Variants in KCNH8 observed in about 807,000 individuals in gnomAD.
KCNH8 encodes voltage-gated delayed rectifier potassium channel KCNH8.
Under a neutral mutation model 103.6 loss-of-function variants are expected in KCNH8, and 70 were observed. The ratio of observed to expected loss-of-function variants is 0.68; its 90% CI spans 0.56 to 0.82. The LOEUF is 0.82. Among genes scored for constraint, KCNH8 ranks in the 40% least tolerant of loss-of-function variants. The pLI is 0.00. For missense variants in KCNH8, 1,217 were observed against 1,329.9 expected (o/e 0.92, Z 1.32); for synonymous variants, 498 against 489.4 (o/e 1.02, Z -0.23).
Position 19,257,540 on chromosome 3 carries a change from C to T in KCNH8, c.310+3653C>T, listed in dbSNP as rs974358687. On this transcript the variant is annotated intron_variant, in intron 2 of 15. Coordinates refer to ENST00000328405, the MANE Select transcript of KCNH8 (RefSeq NM_144633.3). ...GTGTCTTCTCTGATAGCATGAAAGA[C>T]CATCATGATTGGATGTACCAGCCTT... Among the ~76,000 whole-genome samples the T allele has an allele frequency of 6.6e-5, 10 of 152,036 alleles. No homozygotes were observed. The South Asian group carries it at 1.9e-3, about 28-fold the overall frequency.
intron 5 of KCNH8, among the ~76,000 whole-genome samples, chr3:19,386,640 T>C (rs1236832457): frequency 1.3e-5 from 2 of 152,118 alleles, no homozygotes; most frequent in Non-Finnish European, 2.9e-5. Flanking sequence ...AAATTGCTCA[T>C]TAATGATATT....
intron 2 of KCNH8, 49 bp from the exon 3 acceptor site, chr3:19,281,149 T>C (rs767842170): frequency 1.3e-6 from 2 of 1,585,158 alleles, no homozygotes; most frequent in Non-Finnish European, 1.7e-6. Context: ...TCCATAGAGA[T>C]AACACAAGGC....
intron 3 of KCNH8, among the ~76,000 whole-genome samples, chr3:19,324,946 G>T (rs1427920090): frequency 6.6e-6 from 1 of 152,092 alleles, no homozygotes; most frequent in African/African-American, 2.4e-5. Context: ...TGTACTATGG[G>T]GGTACAGTAA....
chr3:19,280,025 T>C (rs975321121), intron 2 of KCNH8, among the ~76,000 whole-genome samples: 7 of 152,122 alleles, frequency 4.6e-5, no homozygotes, highest in African/African-American at 1.7e-4. Flanking sequence ...TATGAATAGA[T>C]TAATAGTTTA....
intron 1 of KCNH8, among the ~76,000 whole-genome samples, chr3:19,170,605 TATATGTATACACACAC>T (rs1276612979): frequency 1.6e-4 from 23 of 144,308 alleles, no homozygotes; most frequent in African/African-American, 5.3e-4. Context: ...TATATATATA[TATATGTATACACACAC>T]ATATATATAT....
At chr3:19,443,933 C>T (rs1020722170) in intron 8 of KCNH8, among the ~76,000 whole-genome samples, 7 of 151,958 alleles carry the variant, frequency 4.6e-5, no homozygotes, top group Non-Finnish European at 8.8e-5. Context: ...AATGGACTCA[C>T]GTTGCAAAAA....
At chr3:19,285,536 T>C (rs2064818782) in intron 3 of KCNH8, among the ~76,000 whole-genome samples, 1 of 152,236 alleles carries the variant, frequency 6.6e-6, no homozygotes, top group Admixed American at 6.5e-5. Context: ...ATGTTTGTTA[T>C]ATTCTATAAG....
At chr3:19,531,590 G>A (rs1045091676) in intron 15 of KCNH8, among the ~76,000 whole-genome samples, 12 of 152,160 alleles carry the variant, frequency 7.9e-5, no homozygotes, top group East Asian at 1.9e-4. Context: ...TTCAAGGCAG[G>A]TGTTACCAGT....
At chr3:19,154,695 C>T (rs867969934) in intron 1 of KCNH8, among the ~76,000 whole-genome samples, 1 of 152,198 alleles carries the variant, frequency 6.6e-6, no homozygotes, top group Non-Finnish European at 1.5e-5. Flanking sequence ...ATTTATTTCT[C>T]ACCACACAGC....
intron 11 of KCNH8, among the ~76,000 whole-genome samples, chr3:19,471,380 A>G (rs1006361535): frequency 1.3e-5 from 2 of 152,158 alleles, no homozygotes; most frequent in Non-Finnish European, 2.9e-5. Context: ...GGGGATGTGG[A>G]GCAAGGGTCG....
intron 11 of KCNH8, among the ~76,000 whole-genome samples, chr3:19,462,534 G>T (rs938589540): frequency 6.6e-6 from 1 of 152,176 alleles, no homozygotes; most frequent in South Asian, 2.1e-4. Flanking sequence ...GTAGATTCCG[G>T]GTATTAGCCC....
At chr3:19,493,599 A>G (rs545641370) in intron 11 of KCNH8, among the ~76,000 whole-genome samples, 1 of 152,224 alleles carries the variant, frequency 6.6e-6, no homozygotes, top group South Asian at 2.1e-4. Flanking sequence ...TTCTTTATAA[A>G]TTACCCAGTC....
chr3:19,178,911 A>T (rs2063425333), intron 1 of KCNH8, among the ~76,000 whole-genome samples: 1 of 152,144 alleles, frequency 6.6e-6, no homozygotes, highest in South Asian at 2.1e-4. Flanking sequence ...GCTGTGTGTT[A>T]GATGGATTAG....
intron 1 of KCNH8, among the ~76,000 whole-genome samples, chr3:19,251,642 C>T (rs1435321455): frequency 2.0e-5 from 3 of 152,062 alleles, no homozygotes; most frequent in Non-Finnish European, 1.5e-5. Flanking sequence ...AGCTGGAGTA[C>T]CTTCTTTCCC....
chr3:19,311,976 A>C (rs530810057), intron 3 of KCNH8, among the ~76,000 whole-genome samples: 1 of 152,048 alleles, frequency 6.6e-6, no homozygotes, highest in Admixed American at 6.6e-5. Context: ...AGATTCTCTC[A>C]GATTAAATGG....
chr3:19,224,632 C>T (rs2063909831), intron 1 of KCNH8, among the ~76,000 whole-genome samples: 2 of 150,964 alleles, frequency 1.3e-5, no homozygotes, highest in South Asian at 4.2e-4. Context: ...CCTCAAACTC[C>T]TGGGCTCAAA....
At chr3:19,507,975 A>C (rs1262615818) in intron 11 of KCNH8, among the ~76,000 whole-genome samples, 1 of 152,078 alleles carries the variant, frequency 6.6e-6, no homozygotes, top group Non-Finnish European at 1.5e-5. Flanking sequence ...AGGGAAGTTG[A>C]TTTTATTTGC....
At position 19,314,657 on chromosome 3, in the gene KCNH8, A is replaced by G. The variant is rs943870476; in HGVS notation, c.443-27930A>G. ...TGCAGCAGGACAGCTGCCATAGACAATCTATAAACAAATGCATGTGGCTAT... is the reference window on the plus strand; with the variant it reads ...TGCAGCAGGACAGCTGCCATAGACAGTCTATAAACAAATGCATGTGGCTAT... On this transcript the variant is annotated intron_variant, in intron 3 of 15. Coordinates refer to ENST00000328405, the MANE Select transcript of KCNH8 (RefSeq NM_144633.3). 4.6e-5 allele frequency among the ~76,000 whole-genome samples: 7 copies of G among 152,002 alleles called. No individual in the cohort carries two copies. The South Asian group carries it at 1.2e-3, about 27-fold the overall frequency.
At chr3:19,323,844 A>G (rs1019727302) in intron 3 of KCNH8, among the ~76,000 whole-genome samples, 1 of 152,160 alleles carries the variant, frequency 6.6e-6, no homozygotes. Context: ...AAAGAGTCCT[A>G]TGATGTGATT....
Sources: allele counts gnomAD v4.1 joint callset (sites outside exome capture counted in the v4.1 genomes callset), GRCh38; gene constraint gnomAD v4.1.1; transcripts MANE v1.5; gene names NCBI Gene and HGNC (gene_info 2026-07-23, HGNC 2026-07-21).